Variants in HDAC9 observed in about 807,000 individuals in gnomAD.
HDAC9 encodes MEF-2 interacting transcription repressor (MITR) protein.
Under a neutral mutation model 139.4 loss-of-function variants are expected in HDAC9, and 41 were observed. That is an observed-to-expected ratio of 0.29 (90% CI 0.23 to 0.38). The LOEUF is 0.38. Among genes scored for constraint, HDAC9 ranks in the 10% least tolerant of loss-of-function variants. The pLI is 1.00. For synonymous variants in HDAC9, 517 were observed against 476.2 expected, an observed-to-expected ratio of 1.09 and a Z score of -1.12; for missense variants, 1,147 against 1,297.0, an observed-to-expected ratio of 0.88 and a Z score of 1.78.
chr7:18,095,493 C>T (rs1468005222), intron 1 of HDAC9, among the ~76,000 whole-genome samples: 2 of 152,028 alleles, frequency 1.3e-5, no homozygotes, highest in Admixed American at 6.6e-5. Flanking sequence ...CCCTGTGGCT[C>T]GCTAGAGATT....
At chr7:18,176,971 T>C (rs955048074) in intron 2 of HDAC9, among the ~76,000 whole-genome samples, 12 of 152,204 alleles carry the variant, frequency 7.9e-5, no homozygotes, top group African/African-American at 2.7e-4. Context: ...GGAAAAATAA[T>C]ACATACCATA....
intron 16 of HDAC9, among the ~76,000 whole-genome samples, chr7:18,787,108 C>G (rs1791891385): frequency 6.6e-6 from 1 of 152,086 alleles, no homozygotes; most frequent in Admixed American, 6.6e-5. Context: ...CTGTGTTTCT[C>G]AACCCCTTTC....
intron 22 of HDAC9, among the ~76,000 whole-genome samples, chr7:18,916,829 G>A (rs1012568419): frequency 6.6e-6 from 1 of 151,958 alleles, no homozygotes; most frequent in Non-Finnish European, 1.5e-5. Context: ...GCAGAGAAAA[G>A]TAAAGCCACT....
At chr7:18,911,155 T>TC (rs1436668704) in intron 22 of HDAC9, among the ~76,000 whole-genome samples, 1 of 151,462 alleles carries the variant, frequency 6.6e-6, no homozygotes, top group Non-Finnish European at 1.5e-5. Flanking sequence ...AGGCTTTTTT[T>TC]TTTTTTTCTG....
chr7:18,813,298 T>C (rs755216806), intron 17 of HDAC9, among the ~76,000 whole-genome samples: 1 of 152,144 alleles, frequency 6.6e-6, no homozygotes, highest in Non-Finnish European at 1.5e-5. Context: ...TTTCTTTGTT[T>C]GTGAAGTTAT....
chr7:18,934,781 GATTTTTAAGACTCAACA>G (rs1488995865), intron 22 of HDAC9, among the ~76,000 whole-genome samples: 1 of 152,194 alleles, frequency 6.6e-6, no homozygotes, highest in Non-Finnish European at 1.5e-5. Context: ...TTATTTAGCA[GATTTTTAAGACTCAACA>G]ATTCTGTTTC....
chr7:18,744,617 G>C (rs1321542101), intron 13 of HDAC9, among the ~76,000 whole-genome samples: 1 of 152,060 alleles, frequency 6.6e-6, no homozygotes, highest in African/African-American at 2.4e-5. Flanking sequence ...AAGATAAATT[G>C]TCTATAAAGA....
intron 22 of HDAC9, among the ~76,000 whole-genome samples, chr7:18,878,473 A>T (rs1799488457): frequency 6.6e-6 from 1 of 152,152 alleles, no homozygotes; most frequent in Admixed American, 6.5e-5. Flanking sequence ...GACAGAAACC[A>T]TTTCTCTCAG....
intron 1 of HDAC9, among the ~76,000 whole-genome samples, chr7:18,121,073 C>G (rs1784340007): frequency 6.6e-6 from 1 of 152,112 alleles, no homozygotes; most frequent in African/African-American, 2.4e-5. Flanking sequence ...TCTCTGGTCA[C>G]TGATAAATCT....
At chr7:18,362,799 A>G (rs1562918910) in intron 1 of HDAC9, among the ~76,000 whole-genome samples, 1 of 152,192 alleles carries the variant, frequency 6.6e-6, no homozygotes, top group South Asian at 2.1e-4. Context: ...TGAGTCTCAT[A>G]TTTGAAGGTA....
chr7:18,736,801 A>T (rs1317386375), intron 13 of HDAC9, among the ~76,000 whole-genome samples: 3 of 152,176 alleles, frequency 2.0e-5, no homozygotes, highest in Non-Finnish European at 4.4e-5. Flanking sequence ...ATAGTTTCAG[A>T]AGGAATGGTA....
chr7:18,344,839 C>G (rs780263455), intron 1 of HDAC9, among the ~76,000 whole-genome samples: 9 of 151,908 alleles, frequency 5.9e-5, no homozygotes, highest in Non-Finnish European at 1.2e-4. Context: ...TCTAGCAAAA[C>G]TTTCTCTTTT....
intron 2 of HDAC9, among the ~76,000 whole-genome samples, chr7:18,171,906 T>A (rs1788481164): frequency 6.6e-6 from 1 of 152,226 alleles, no homozygotes. Flanking sequence ...TCTAAAATTC[T>A]CTTTTTGTTG....
chr7:18,596,330 A>C (rs1002502014), intron 6 of HDAC9, among the ~76,000 whole-genome samples: 1 of 152,122 alleles, frequency 6.6e-6, no homozygotes, highest in African/African-American at 2.4e-5. Flanking sequence ...GATGCTTTCT[A>C]TACTCTATCT....
chr7:18,316,547 C>G (rs1163522067), intron 1 of HDAC9, among the ~76,000 whole-genome samples: 1 of 149,904 alleles, frequency 6.7e-6, no homozygotes, highest in Non-Finnish European at 1.5e-5. Context: ...CCCATAATCT[C>G]CGTACTTGGG....
intron 22 of HDAC9, among the ~76,000 whole-genome samples, chr7:18,910,750 C>A (rs747541999): frequency 6.6e-6 from 1 of 151,746 alleles, no homozygotes; most frequent in Non-Finnish European, 1.5e-5. Context: ...ACGTGATGTA[C>A]CTTGATTATT....
intron 1 of HDAC9, among the ~76,000 whole-genome samples, chr7:18,104,245 A>AT (rs10553931): frequency 1.0e-3 from 155 of 150,050 alleles, no homozygotes; most frequent in Middle Eastern, 3.5e-3. Context: ...CCATAATTGT[A>AT]TTTTTTTTTT....
intron 1 of HDAC9, among the ~76,000 whole-genome samples, chr7:18,421,664 C>A (rs928563578): frequency 5.9e-5 from 9 of 152,154 alleles, no homozygotes; most frequent in Admixed American, 5.9e-4. Context: ...TAAATTATTT[C>A]TTTCACTGCC....
intron 6 of HDAC9, among the ~76,000 whole-genome samples, chr7:18,596,724 T>G (rs1583872552): frequency 6.6e-6 from 1 of 152,120 alleles, no homozygotes; most frequent in African/African-American, 2.4e-5. Flanking sequence ...AGCCAGATTC[T>G]AAACCTCTCT....
Sources: gnomAD v4.1 joint callset for allele counts (sites outside exome capture counted in the v4.1 genomes callset) on GRCh38, gnomAD v4.1.1 for gene constraint, MANE v1.5 for transcripts, NCBI Gene and HGNC (gene_info 2026-07-23, HGNC 2026-07-21) for gene names.